The following OSBPL9 variants were observed in gnomAD, a reference collection of about 807,000 sequenced individuals.
OSBPL9 encodes the protein oxysterol binding protein like 9, also known as oxysterol-binding protein-related protein 9.
OSBPL9 carries 40 observed loss-of-function variants against 106.6 expected under a neutral mutation model. The observed-to-expected ratio is 0.38, with a 90% confidence interval of 0.29 to 0.49. The LOEUF is 0.49. Among genes scored for constraint, OSBPL9 ranks in the 20% least tolerant of loss-of-function variants. The pLI is 0.97. For synonymous variants in OSBPL9, 269 were observed against 295.4 expected, an observed-to-expected ratio of 0.91 and a Z score of 0.92; for missense variants, 609 against 887.2, an observed-to-expected ratio of 0.69 and a Z score of 3.98.
chr1:51,689,731 A>C (rs930951108), intron 3 of OSBPL9, among the ~76,000 whole-genome samples: 5 of 152,130 alleles, frequency 3.3e-5, no homozygotes, highest in Admixed American at 1.3e-4. Flanking sequence ...ACCACCTCCT[A>C]ATCTGATTTT....
chr1:51,635,120 GATC>G (rs1183429902), intron 1 of OSBPL9, among the ~76,000 whole-genome samples: 1 of 152,170 alleles, frequency 6.6e-6, no homozygotes, highest in Non-Finnish European at 1.5e-5. Flanking sequence ...TCTCTCAGTA[GATC>G]ATTTTACCTG....
chr1:51,648,273 G>A (rs1351205799), intron 1 of OSBPL9, among the ~76,000 whole-genome samples: 2 of 152,216 alleles, frequency 1.3e-5, no homozygotes, highest in African/African-American at 2.4e-5. Context: ...GGCTTAGACA[G>A]ATTTGCTTCA....
intron 3 of OSBPL9, among the ~76,000 whole-genome samples, chr1:51,687,422 T>G (rs1052733571): frequency 1.3e-5 from 2 of 152,190 alleles, no homozygotes; most frequent in South Asian, 2.1e-4. Context: ...AACAAATAAT[T>G]ACAGTACAAC....
chr1:51,591,018 A>C (rs1014882087), intron 1 of OSBPL9, among the ~76,000 whole-genome samples: 1 of 150,096 alleles, frequency 6.7e-6, no homozygotes, highest in Admixed American at 6.7e-5. Context: ...TCCCAGGTTC[A>C]CACCATTCTC....
chr1:51,727,470 G>A (rs1027338379), intron 4 of OSBPL9, among the ~76,000 whole-genome samples: 5 of 152,116 alleles, frequency 3.3e-5, no homozygotes, highest in Admixed American at 6.5e-5. Flanking sequence ...TCCTCACTTC[G>A]TTAAGCTTAC....
At chr1:51,617,460 A>G (rs1644124094) in intron 1 of OSBPL9, among the ~76,000 whole-genome samples, 1 of 152,006 alleles carries the variant, frequency 6.6e-6, no homozygotes, top group Non-Finnish European at 1.5e-5. Flanking sequence ...GGGTGAGCCA[A>G]GTTTCTTTCT....
chr1:51,782,601 A>T lies in OSBPL9; in HGVS notation c.1471A>T (p.Ser491Cys), dbSNP rs747927952. 1.8e-5 allele frequency: 29 copies of T among 1,614,114 alleles called. No individual in the cohort carries two copies. Among genetic ancestry groups the T allele is most frequent in the Non-Finnish European group, 2.4e-5 (28 of 1,179,972 alleles). The change falls in exon 17 of 24, where the codon AGT becomes TGT. Residue 491 changes from serine (S) to cysteine (C), a missense_variant. Coordinates refer to ENST00000428468, the MANE Select transcript of OSBPL9 (RefSeq NM_024586.6). The part of the protein sequence containing the change: ...EGPVPWVSKN[S>C]VTFVAEQVSH... ...ACCAGTTCCCTGGGTTTCCAAAAAC[A>T]GTGTAACATTTGTGGCTGAGCAGGT... is the stretch of plus-strand genomic sequence containing the variant.
At chr1:51,609,507 CTTTT>C (rs77430161) in intron 2 of OSBPL9, among the ~76,000 whole-genome samples, 3 of 133,386 alleles carry the variant, frequency 2.2e-5, no homozygotes, top group African/African-American at 2.8e-5. Context: ...CCATGCCTGG[CTTTT>C]TTTTTTTTTT....
intron 3 of OSBPL9, among the ~76,000 whole-genome samples, chr1:51,694,245 G>A (rs180684959): frequency 9.2e-5 from 14 of 152,242 alleles, no homozygotes; most frequent in Non-Finnish European, 2.1e-4. Context: ...TAACATTAAT[G>A]AGAAAATAAT....
chr1:51,766,077 A>G, intron 12 of OSBPL9, 96 bp downstream of exon 12: 1 of 1,216,878 alleles, frequency 8.2e-7, no homozygotes, highest in South Asian at 2.0e-5. Flanking sequence ...GACTTGCCTC[A>G]TCAGTTATTA....
chr1:51,583,280 T>C (rs899687195), intron 1 of OSBPL9, among the ~76,000 whole-genome samples: 3 of 152,072 alleles, frequency 2.0e-5, no homozygotes, highest in Non-Finnish European at 4.4e-5. Context: ...TAGAATGCCA[T>C]GGAGAAGAGT....
chr1:51,740,066 T>C, intron 4 of OSBPL9: 4 of 1,532,104 alleles, frequency 2.6e-6, no homozygotes, highest in Middle Eastern at 3.4e-4. Context: ...TCTCTTACTA[T>C]TCCTTTACTT....
chr1:51,655,595 A>G (rs116747085), intron 2 of OSBPL9, among the ~76,000 whole-genome samples: 3 of 152,292 alleles, frequency 2.0e-5, no homozygotes, highest in Non-Finnish European at 4.4e-5. Flanking sequence ...TATCATATTC[A>G]TGGTTTTCAT....
chr1:51,759,502 A>AT (rs1557820233), intron 9 of OSBPL9: 1 of 152,106 alleles, frequency 6.6e-6, no homozygotes, highest in Non-Finnish European at 1.5e-5. Flanking sequence ...TATTTCCCTT[A>AT]TATTTCTGTT....
chr1:51,783,586 G>T (rs1250356938), intron 17 of OSBPL9, among the ~76,000 whole-genome samples: 1 of 152,178 alleles, frequency 6.6e-6, no homozygotes, highest in African/African-American at 2.4e-5. Context: ...TTTGTTTAGT[G>T]CAGTATTAAA....
At chr1:51,707,415 A>G (rs1454600770) in intron 3 of OSBPL9, 1 of 176,200 alleles carries the variant, frequency 5.7e-6, no homozygotes, top group African/African-American at 2.4e-5. Context: ...GGCAGATCAG[A>G]TCTGACATGT....
chr1:51,591,044 G>A (rs534878271), intron 1 of OSBPL9, among the ~76,000 whole-genome samples: 30 of 151,382 alleles, frequency 2.0e-4, no homozygotes, highest in Admixed American at 1.7e-3. Flanking sequence ...TCAGCCTCCC[G>A]AGTAGCTGGG....
At chr1:51,740,282 A>G in intron 4 of OSBPL9, 1 of 1,403,584 alleles carries the variant, frequency 7.1e-7, no homozygotes, top group Non-Finnish European at 9.3e-7. Context: ...GATGCATGTC[A>G]TCTCAAATTG....
intron 1 of OSBPL9, among the ~76,000 whole-genome samples, chr1:51,586,369 T>A (rs937959033): frequency 4.6e-5 from 7 of 152,096 alleles, no homozygotes; most frequent in African/African-American, 1.7e-4. Flanking sequence ...TTTCAAGACA[T>A]TAGGTCATAA....
Sources: gnomAD v4.1 joint callset for allele counts (sites outside exome capture counted in the v4.1 genomes callset) on GRCh38, gnomAD v4.1.1 for gene constraint, MANE v1.5 for transcripts, NCBI Gene and HGNC (gene_info 2026-07-23, HGNC 2026-07-21) for gene names.